Variants in UQCC1 observed in about 807,000 individuals in gnomAD.
UQCC1 encodes ubiquinol-cytochrome c reductase complex assembly factor 1.
Under a neutral mutation model 48.0 loss-of-function variants are expected in UQCC1, and 38 were observed. The ratio of observed to expected loss-of-function variants is 0.79; its 90% confidence interval spans 0.61 to 1.04. UQCC1 has a LOEUF of 1.04. Ranked by LOEUF, UQCC1 falls within the 50% of genes least tolerant of loss-of-function variation. UQCC1 has a pLI of 0.00. For synonymous variants in UQCC1, 111 were observed against 129.2 expected, an observed-to-expected ratio of 0.86 and a Z score of 0.95; for missense variants, 368 against 381.8, an observed-to-expected ratio of 0.96 and a Z score of 0.30.
At chr20:35,402,162 G>A (rs908980232) in intron 1 of UQCC1, among the ~76,000 whole-genome samples, 1 of 152,136 alleles carries the variant, frequency 6.6e-6, no homozygotes, top group South Asian at 2.1e-4. Flanking sequence ...CTGAATACAG[G>A]CCGGGCATAG....
rs2061559534 is a variant in UQCC1 at position 35,357,605 on chromosome 20, G to A, written c.464+8952C>T. On this transcript the variant is annotated intron_variant, in intron 6 of 9. Transcript: ENST00000374385. ...GAGAATCGCTTGAGCCCCAGAGGTG[G>A]AGGTTGCAGTGAGCTATGGTAGTGC... 3.4e-5 allele frequency among the ~76,000 whole-genome samples: 5 copies of A among 148,742 alleles called. No homozygotes were observed. In the South Asian group the frequency reaches 1.1e-3, roughly 32 times the overall value.
At chr20:35,346,944 C>G (rs1398788966) in intron 7 of UQCC1, 1 of 1,476,412 alleles carries the variant, frequency 6.8e-7, no homozygotes, top group East Asian at 2.5e-5. Context: ...AGGATGACTT[C>G]ACACTGACAA....
At chr20:35,366,674 T>C in intron 5 of UQCC1, 60 bp from the exon 6 acceptor site, 30 of 1,446,194 alleles carry the variant, frequency 2.1e-5, no homozygotes, top group Non-Finnish European at 2.9e-5. Context: ...ATTGACCATA[T>C]ATTAAATATT....
intron 1 of UQCC1, 75 bp downstream of exon 1, chr20:35,411,864 AT>A: frequency 6.3e-7 from 1 of 1,599,318 alleles, no homozygotes. Context: ...ATTCCTTCCA[AT>A]TCCTCCCGCC....
At chr20:35,353,010 A>G (rs2061506467) in intron 6 of UQCC1, among the ~76,000 whole-genome samples, 1 of 152,158 alleles carries the variant, frequency 6.6e-6, no homozygotes, top group African/African-American at 2.4e-5. Context: ...AAATTTTTAA[A>G]AGTAGAATAA....
rs200019709 is a variant in UQCC1, at chr20:35,331,397, A to AT, written c.573+15766dup. The stretch of plus-strand genomic sequence containing the variant: ...CAAAGAAGTATTACAGCAGACAGTT[A>AT]TTTAAAAAAAAAAAAAAAAGCTACG... On this transcript the variant is annotated intron_variant, in intron 7 of 9. Transcript: ENST00000374385. Among the ~76,000 whole-genome samples the AT allele has an allele frequency of 1.6e-4, 24 of 149,324 alleles. No individual in the cohort carries two copies. The South Asian group carries it at 1.7e-3, about 11-fold the overall frequency.
At chr20:35,315,140 C>T (rs1316872060) in intron 7 of UQCC1, 1 of 161,596 alleles carries the variant, frequency 6.2e-6, no homozygotes, top group Non-Finnish European at 1.4e-5. Context: ...AAATCCTATT[C>T]TAAACATGCT....
intron 3 of UQCC1, among the ~76,000 whole-genome samples, 186 bp downstream of exon 3, chr20:35,383,852 G>GA (rs891897958): frequency 1.3e-4 from 19 of 148,188 alleles, no homozygotes; most frequent in Admixed American, 3.4e-4. Context: ...CCTTGTCCCT[G>GA]AAAAAAAAAA....
rs1568642128 is a variant in UQCC1 at position 35,304,064 on chromosome 20, C to A, written c.771G>T (p.Gln257His). 1 of 1,614,060 alleles carries A rather than the reference C, an allele frequency of 6.2e-7. No individual in the cohort carries two copies. Among genetic ancestry groups the A allele is most frequent in the African/African-American group, 1.3e-5 (1 of 75,020 alleles). The change falls in exon 10 of 10, where the codon CAG (glutamine) becomes CAT (histidine). Residue 257 changes from glutamine (Q) to histidine (H), a missense_variant. Physicochemically the swap from Gln to His is conservative, Grantham distance 24 (BLOSUM62 0). Transcript: ENST00000374385. ...CCTCCCCGTTCATGGAGTCCAGGTA[C>A]TGTATCTGCAACCAGGGGAGGGGGA... ...LLVEYVRKQI[Q>H]YLDSMNGEDL...
intron 7 of UQCC1, among the ~76,000 whole-genome samples, chr20:35,335,527 C>G (rs2061306306): frequency 6.6e-6 from 1 of 152,060 alleles, no homozygotes; most frequent in Admixed American, 6.6e-5. Context: ...CACAACATGA[C>G]TGAACTTTGA....
rs1224722023 is a variant in UQCC1, at chr20:35,405,660, G to A, written c.24+6280C>T. On this transcript the variant is annotated intron_variant, in intron 1 of 9. Transcript: ENST00000374385. ...CCCAGCACTTTGGGAGGCCAAGGCA[G>A]GGGGATCACCTGAGGTCAGGAGTTT... 2.6e-5 allele frequency among the ~76,000 whole-genome samples: 4 copies of A among 152,344 alleles called. No individual in the cohort carries two copies. In the East Asian group the frequency reaches 7.7e-4, roughly 29 times the overall value.
intron 7 of UQCC1, among the ~76,000 whole-genome samples, chr20:35,333,955 A>G (rs181235408): frequency 6.6e-6 from 1 of 152,292 alleles, no homozygotes; most frequent in Admixed American, 6.5e-5. Flanking sequence ...CCTCTCCTGA[A>G]GGCCGGGGGC....
chr20:35,385,807 T>C (rs2061934893), intron 2 of UQCC1, among the ~76,000 whole-genome samples: 1 of 151,776 alleles, frequency 6.6e-6, no homozygotes, highest in Admixed American at 6.6e-5. Context: ...GGCATGAGCC[T>C]GGGTGCCTGG....
At chr20:35,342,640 G>C (rs540910113) in intron 7 of UQCC1, among the ~76,000 whole-genome samples, 105 of 152,222 alleles carry the variant, frequency 6.9e-4, no homozygotes, top group Non-Finnish European at 1.1e-3. Context: ...TCAGGAGTGC[G>C]GCAAGGGCCC....
intron 5 of UQCC1, among the ~76,000 whole-genome samples, chr20:35,370,991 C>A (rs1291236526): frequency 6.6e-6 from 1 of 152,098 alleles, no homozygotes; most frequent in Non-Finnish European, 1.5e-5. Flanking sequence ...AAAATGAAAA[C>A]AGTAATACAA....
chr20:35,340,518 C>T (rs950396528), intron 7 of UQCC1, among the ~76,000 whole-genome samples: 1 of 152,098 alleles, frequency 6.6e-6, no homozygotes, highest in South Asian at 2.1e-4. Flanking sequence ...ACACTTTTTT[C>T]CCCCCACCCA....
chr20:35,386,973 C>T (rs1376523575), intron 2 of UQCC1, among the ~76,000 whole-genome samples: 2 of 152,002 alleles, frequency 1.3e-5, no homozygotes, highest in African/African-American at 4.8e-5. Context: ...TTTTCCTTTG[C>T]TTAGATTAGA....
chr20:35,309,289 A>C (rs1309265594), intron 8 of UQCC1: 3 of 417,932 alleles, frequency 7.2e-6, no homozygotes, highest in Non-Finnish European at 1.5e-5. Flanking sequence ...AAAATTAGCC[A>C]GGCATGGTGG....
intron 6 of UQCC1, among the ~76,000 whole-genome samples, chr20:35,365,420 C>T (rs529204024): frequency 2.0e-5 from 3 of 152,010 alleles, no homozygotes; most frequent in Admixed American, 2.0e-4. Flanking sequence ...TTTGGGAAGC[C>T]GAGGTAGGTG....
Sources: gnomAD v4.1 joint callset for allele counts (sites outside exome capture counted in the v4.1 genomes callset) on GRCh38, gnomAD v4.1.1 for gene constraint, MANE v1.5 for transcripts, NCBI Gene and HGNC (gene_info 2026-07-23, HGNC 2026-07-21) for gene names.